SH3TC2: variants seen among roughly 807,000 people sequenced by gnomAD.
SH3TC2 encodes SH3 domain and tetratricopeptide repeats 2.
SH3TC2 carries 87 observed loss-of-function variants against 124.5 expected under a neutral mutation model. That is an observed-to-expected ratio of 0.70 (90% CI 0.59 to 0.84). The LOEUF is 0.84. Among genes scored for constraint, SH3TC2 ranks in the 40% least tolerant of loss-of-function variants. The probability of loss-of-function intolerance (pLI) is 0.00; values close to 1 mark genes in which losing one functional copy is unlikely to be tolerated. For missense variants in SH3TC2, 1,536 were observed against 1,566.4 expected (o/e 0.98, Z 0.33); for synonymous variants, 634 against 628.5 (o/e 1.01, Z -0.13).
At chr5:149,034,692 A>G (rs1209882431) in intron 8 of SH3TC2, among the ~76,000 whole-genome samples, 3 of 152,206 alleles carry the variant, frequency 2.0e-5, no homozygotes, top group Non-Finnish European at 4.4e-5. Context: ...AAGATCATAA[A>G]TTAATGAAAT....
At position 149,026,897 on chromosome 5, in the gene SH3TC2, C is replaced by T; in HGVS notation, c.2835G>A (p.Met945Ile). The T allele has an allele frequency of 1.2e-6, 2 of 1,614,186 alleles. No individual in the cohort carries two copies. Among genetic ancestry groups the T allele is most frequent in the Non-Finnish European group, 1.7e-6 (2 of 1,180,042 alleles). The change falls in exon 11 of 17, where the codon ATG (methionine) becomes ATA (isoleucine). Residue 945 changes from methionine to isoleucine, a missense_variant. By Grantham distance (10) the Met-to-Ile change is conservative (BLOSUM62 1). Around this residue, in one of 3 missense-constraint regions of SH3TC2, gnomAD observed 426 missense variants for 443.5 expected, o/e 0.96. Coordinates refer to ENST00000515425, the MANE Select transcript of SH3TC2 (RefSeq NM_024577.4). Reference sequence around the variant, plus strand: ...GATGCCTTAAGCCAAACAGCAATGCCATTTCATAACAAAGAAGGCCATGGG... The same window carrying T: ...GATGCCTTAAGCCAAACAGCAATGCTATTTCATAACAAAGAAGGCCATGGG... The part of the protein sequence containing the change: ...QLTHGLLCYE[M>I]ALLFGLRHRH...
chr5:149,019,113 C>T (rs774918747), intron 12 of SH3TC2, among the ~76,000 whole-genome samples: 1 of 152,158 alleles, frequency 6.6e-6, no homozygotes, highest in Non-Finnish European at 1.5e-5. Flanking sequence ...CAATCTGTGC[C>T]AGGAAAAAAA....
At chr5:149,035,932 C>T (rs59825289) in intron 8 of SH3TC2, 1 of 152,148 alleles carries the variant, frequency 6.6e-6, no homozygotes, top group Non-Finnish European at 1.5e-5. Context: ...TCCCCAATAT[C>T]CTATTAAAAC....
At chr5:149,060,767 A>G (rs1164699216) in intron 1 of SH3TC2, among the ~76,000 whole-genome samples, 2 of 152,284 alleles carry the variant, frequency 1.3e-5, no homozygotes, top group East Asian at 3.9e-4. Flanking sequence ...CAAAAGCCAG[A>G]CCTTGTGCTA....
chr5:149,030,079 T>C (rs1754157606), intron 9 of SH3TC2, among the ~76,000 whole-genome samples: 1 of 152,196 alleles, frequency 6.6e-6, no homozygotes, highest in South Asian at 2.1e-4. Context: ...TGAAGAGCTA[T>C]AGAGCTTGGC....
At chr5:149,051,652 C>A (rs1272845176) in intron 2 of SH3TC2, among the ~76,000 whole-genome samples, 2 of 152,104 alleles carry the variant, frequency 1.3e-5, no homozygotes, top group Non-Finnish European at 2.9e-5. Flanking sequence ...TCAGGTCTCA[C>A]TCTGTTGCCC....
intron 5 of SH3TC2, 79 bp downstream of exon 5, chr5:149,042,615 T>C (rs1014950071): frequency 1.3e-6 from 2 of 1,576,618 alleles, no homozygotes; most frequent in South Asian, 1.1e-5. Flanking sequence ...TTTCCCTCCC[T>C]TTGCATCCTG....
chr5:149,029,828 G>T (rs907607153), intron 9 of SH3TC2, among the ~76,000 whole-genome samples: 9 of 150,748 alleles, frequency 6.0e-5, no homozygotes, highest in Non-Finnish European at 1.2e-4. Context: ...GGAGGTGAAG[G>T]CTAGCTTCAC....
At chr5:149,040,771 G>T in intron 6 of SH3TC2, 94 bp from the exon 7 acceptor site, 1 of 1,086,158 alleles carries the variant, frequency 9.2e-7, no homozygotes, top group Non-Finnish European at 1.4e-6. Flanking sequence ...ATGATGATGA[G>T]TATTGTTTTT....
chr5:149,000,653 G>A lies in SH3TC2; in HGVS notation c.*4058C>T, dbSNP rs564928176. Among the ~76,000 whole-genome samples, 7 of 152,130 alleles carry A rather than the reference G, an allele frequency of 4.6e-5. No individual in the cohort carries two copies. Among genetic ancestry groups the A allele is most frequent in the African/African-American group, 1.7e-4 (7 of 41,496 alleles). ...TAAATGCATGCATACATACACACAC[G>A]TGTACATATACACACACAACTGTGA... On this transcript the variant is annotated 3_prime_UTR_variant, in exon 17 of 17. Coordinates refer to ENST00000515425, the MANE Select transcript of SH3TC2 (RefSeq NM_024577.4).
intron 12 of SH3TC2, among the ~76,000 whole-genome samples, chr5:149,015,256 A>T (rs1045755825): frequency 3.3e-5 from 5 of 152,170 alleles, no homozygotes; most frequent in Admixed American, 3.3e-4. Flanking sequence ...ATGATCTATG[A>T]TCTCCAGTAA....
intron 14 of SH3TC2, among the ~76,000 whole-genome samples, chr5:149,009,449 C>T (rs1389288725): frequency 6.6e-6 from 1 of 152,128 alleles, no homozygotes; most frequent in African/African-American, 2.4e-5. Flanking sequence ...TCTTTCTGAA[C>T]CTTAGTTTTC....
At position 148,995,480 on chromosome 5, in the gene SH3TC2, C is replaced by G. The variant is rs916973061; in HGVS notation, c.*9231G>C. 1.1e-4 allele frequency among the ~76,000 whole-genome samples: 16 copies of G among 152,256 alleles called. No individual in the cohort carries two copies. Among genetic ancestry groups the G allele is most frequent in the African/African-American group, 3.6e-4 (15 of 41,558 alleles). The stretch of plus-strand genomic sequence containing the variant: ...GTTTGAAAATTAAGAAAAGACCTAC[C>G]ACAGCTATAGCAACTTATTCTAAAC... On this transcript the variant is annotated 3_prime_UTR_variant, in exon 17 of 17. Coordinates refer to ENST00000515425, the MANE Select transcript of SH3TC2 (RefSeq NM_024577.4).
Position 149,023,583 on chromosome 5 carries a change from C to CTTTTTTTT in SH3TC2, c.3053+2981_3053+2988dup, listed in dbSNP as rs5872108. On this transcript the variant is annotated intron_variant, in intron 12 of 16. Transcript: ENST00000515425. ...TATAACCTTCAATAATAGTGTAATC[C>CTTTTTTTT]TTTTTTTTTTTTTTTTTTGAGAGAC... 1.4e-4 allele frequency among the ~76,000 whole-genome samples: 15 copies of CTTTTTTTT among 107,258 alleles called. 3 individuals are homozygous for CTTTTTTTT. Among genetic ancestry groups the CTTTTTTTT allele is most frequent in the African/African-American group, 3.8e-4 (10 of 26,490 alleles). The allele number at this position is 107,258 out of a possible 152,430, so 70.4% of individuals were successfully genotyped here.
At chr5:149,050,915 C>T (rs561998271) in intron 2 of SH3TC2, among the ~76,000 whole-genome samples, 5 of 152,286 alleles carry the variant, frequency 3.3e-5, no homozygotes, top group South Asian at 2.1e-4. Flanking sequence ...TTCCTCATCA[C>T]GTGTTAACTG....
rs867542506 is a variant in SH3TC2 at position 148,984,648 on chromosome 5, G to A, written c.*20063C>T. On this transcript the variant is annotated 3_prime_UTR_variant, in exon 17 of 17. Transcript: ENST00000515425. The stretch of plus-strand genomic sequence containing the variant: ...GTTGGTCTTTCAGGTTGGCATATAG[G>A]AAGGAATTTGTCAGCATGTATCCCT... Among the ~76,000 whole-genome samples, 2 of 152,174 alleles carry A rather than the reference G, an allele frequency of 1.3e-5. No homozygotes were observed. The highest frequency in any genetic ancestry group is 4.1e-4 in the South Asian group (2 of 4,828).
At chr5:149,040,198 C>T (rs1476393780) in intron 7 of SH3TC2, among the ~76,000 whole-genome samples, 1 of 152,144 alleles carries the variant, frequency 6.6e-6, no homozygotes, top group Non-Finnish European at 1.5e-5. Flanking sequence ...GTTAATTTTA[C>T]AAAACTCTAA....
rs1340704507 is a variant in SH3TC2, at chr5:148,998,959, C to T, written c.*5752G>A. On this transcript the variant is annotated 3_prime_UTR_variant, in exon 17 of 17. Transcript: ENST00000515425. ...AAAGAGCACCCCTAACATACACACC[C>T]TCCCGCTTAACGGTGTGGGACCCAG... 6.6e-6 allele frequency among the ~76,000 whole-genome samples: 1 copy of T among 152,188 alleles called. No individual in the cohort carries two copies. Among genetic ancestry groups the T allele is most frequent in the Non-Finnish European group, 1.5e-5 (1 of 68,034 alleles).
intron 12 of SH3TC2, among the ~76,000 whole-genome samples, chr5:149,015,066 A>G (rs913533730): frequency 4.6e-5 from 7 of 152,194 alleles, no homozygotes; most frequent in Admixed American, 1.3e-4. Context: ...TGCTTCTGGC[A>G]CTTTCTCCCT....
Sources: gnomAD v4.1 joint callset for allele counts (sites outside exome capture counted in the v4.1 genomes callset) on GRCh38, gnomAD v4.1.1 for gene constraint, gnomAD v4.1.1 regional missense constraint, MANE v1.5 for transcripts, NCBI Gene and HGNC (gene_info 2026-07-23, HGNC 2026-07-21) for gene names.